SORL1: variants seen among roughly 807,000 people sequenced by gnomAD.
The protein encoded by SORL1 is sortilin-related receptor.
A neutral mutation model predicts 273.7 loss-of-function variants in SORL1; 127 were observed. The ratio of observed to expected loss-of-function variants is 0.46; its 90% CI spans 0.40 to 0.54. The LOEUF (loss-of-function observed/expected upper bound fraction) is 0.54. SORL1 is among the 20% of genes least tolerant of loss of function. The pLI, the probability that SORL1 is intolerant of heterozygous loss-of-function variation, is 0.00. For missense variants in SORL1, 2,494 were observed against 2,846.1 expected (o/e 0.88, Z 2.81); for synonymous variants, 1,031 against 1,067.4 (o/e 0.97, Z 0.66).
At chr11:121,605,262 G>A in intron 34 of SORL1, 23 bp downstream of exon 34, 1 of 1,602,864 alleles carries the variant, frequency 6.2e-7, no homozygotes, top group Non-Finnish European at 8.5e-7. Context: ...TTTGTCATGG[G>A]AGATGAAAAT....
chr11:121,491,082 G>A lies in SORL1; in HGVS notation c.758+972G>A, dbSNP rs112240480. On this transcript the variant is annotated intron_variant, in intron 5 of 47. Transcript: ENST00000260197. ...TGGAGGACAGGAATTCCAGGCAGAG[G>A]AACAAAGTGACTTGCCAAAGGCACA... 9.3e-3 allele frequency among the ~76,000 whole-genome samples: 1,412 copies of A among 152,250 alleles called. 22 individuals carry two copies. The highest frequency in any genetic ancestry group is 0.032 in the African/African-American group (1,349 of 41,526).
At chr11:121,615,389 C>T (rs1863625792) in intron 41 of SORL1, among the ~76,000 whole-genome samples, 1 of 152,050 alleles carries the variant, frequency 6.6e-6, no homozygotes, top group Non-Finnish European at 1.5e-5. Flanking sequence ...TGGTGTCCTT[C>T]CCTCCTCTTG....
At chr11:121,518,951 C>CTT (rs60120156) in intron 8 of SORL1, among the ~76,000 whole-genome samples, 4 of 138,682 alleles carry the variant, frequency 2.9e-5, no homozygotes, top group Non-Finnish European at 3.1e-5. Flanking sequence ...TTTTCTTTTT[C>CTT]TTTTTTTTTT....
rs1178103255 is a variant in SORL1 at position 121,488,045 on chromosome 11, A to T, written c.542A>T (p.Asp181Val). Residue 181 changes from aspartate to valine, a missense_variant, in exon 4 of 48, where the codon GAC becomes GTC. Coordinates refer to ENST00000260197, the MANE Select transcript of SORL1 (RefSeq NM_003105.6). Reference sequence around the variant, plus strand: ...TTTCCCTTGCAGTACATCTTTGCAGACGCTTATGCCCAGTACCTCTGGATC... The same window carrying T: ...TTTCCCTTGCAGTACATCTTTGCAGTCGCTTATGCCCAGTACCTCTGGATC... ...PADNKRYIFA[D>V]AYAQYLWITF... 2 of 1,614,092 alleles carry T rather than the reference A, an allele frequency of 1.2e-6. No individual in the cohort carries two copies. The highest frequency in any genetic ancestry group is 1.7e-6 in the Non-Finnish European group (2 of 1,180,010).
At chr11:121,512,252 T>G (rs760908895) in intron 6 of SORL1, among the ~76,000 whole-genome samples, 5 of 152,246 alleles carry the variant, frequency 3.3e-5, no homozygotes, top group Non-Finnish European at 5.9e-5. Context: ...CCAAATAAGC[T>G]TCTCCTTTTG....
intron 39 of SORL1, 82 bp downstream of exon 39, chr11:121,611,240 G>A: frequency 2.2e-6 from 2 of 918,764 alleles, no homozygotes; most frequent in Middle Eastern, 2.3e-4. Context: ...AGTAAGACTG[G>A]AAAAAAACAA....
intron 5 of SORL1, among the ~76,000 whole-genome samples, chr11:121,494,313 A>T (rs1372652731): frequency 6.6e-6 from 1 of 152,206 alleles, no homozygotes; most frequent in Admixed American, 6.5e-5. Flanking sequence ...GTTTCCCCAT[A>T]ATAAGTGAAA....
intron 33 of SORL1, 70 bp downstream of exon 33, chr11:121,604,394 C>A: frequency 1.3e-6 from 2 of 1,560,136 alleles, no homozygotes; most frequent in South Asian, 1.1e-5. Context: ...AGGGCCCCTC[C>A]TGTGTAGACC....
chr11:121,489,487 T>G (rs535261257), intron 4 of SORL1, among the ~76,000 whole-genome samples: 1 of 152,370 alleles, frequency 6.6e-6, no homozygotes, highest in South Asian at 2.1e-4. Context: ...TTTGTCACTT[T>G]GTGATGGACT....
chr11:121,621,993 A>C (rs1026102805), intron 44 of SORL1, among the ~76,000 whole-genome samples, 169 bp from the exon 45 acceptor site: 2 of 152,260 alleles, frequency 1.3e-5, no homozygotes, highest in African/African-American at 4.8e-5. Context: ...ATGCCAATAA[A>C]GAATATCTAC....
intron 1 of SORL1, among the ~76,000 whole-genome samples, chr11:121,466,211 C>T (rs1202791285): frequency 6.6e-6 from 1 of 152,172 alleles, no homozygotes; most frequent in African/African-American, 2.4e-5. Flanking sequence ...GTTGTTCACA[C>T]CCCGGGGTTG....
chr11:121,532,643 A>G (rs1240947248), intron 12 of SORL1, 91 bp downstream of exon 12: 47 of 1,037,650 alleles, frequency 4.5e-5, no homozygotes, highest in Non-Finnish European at 6.0e-5. Flanking sequence ...CTATAGCACT[A>G]TGTTGTTGAC....
intron 43 of SORL1, among the ~76,000 whole-genome samples, chr11:121,620,490 T>G (rs901321926): frequency 2.6e-5 from 4 of 152,180 alleles, no homozygotes; most frequent in Non-Finnish European, 4.4e-5. Flanking sequence ...CTCTCCTCTC[T>G]CCACTCCCCT....
intron 25 of SORL1, among the ~76,000 whole-genome samples, chr11:121,580,690 G>T (rs1460252184): frequency 7.1e-6 from 1 of 140,630 alleles, no homozygotes; most frequent in African/African-American, 2.7e-5. Flanking sequence ...CTGTAGCCTT[G>T]ACCTCCTGGG....
intron 11 of SORL1, among the ~76,000 whole-genome samples, chr11:121,525,683 TTC>T (rs1862110826): frequency 6.6e-6 from 1 of 152,268 alleles, no homozygotes; most frequent in South Asian, 2.1e-4. Context: ...TTATTAATGA[TTC>T]TTTTCATGTG....
At chr11:121,457,399 G>A (rs1420388056) in intron 1 of SORL1, among the ~76,000 whole-genome samples, 3 of 152,124 alleles carry the variant, frequency 2.0e-5, no homozygotes, top group Non-Finnish European at 4.4e-5. Flanking sequence ...GGTGGCATCC[G>A]TTGTTATCAA....
intron 6 of SORL1, among the ~76,000 whole-genome samples, chr11:121,508,498 G>A (rs540979661): frequency 3.9e-5 from 6 of 152,330 alleles, no homozygotes; most frequent in African/African-American, 1.4e-4. Flanking sequence ...CTATAAGGCT[G>A]TCTATATCAT....
chr11:121,453,309 A>C (rs762219037), intron 1 of SORL1, among the ~76,000 whole-genome samples: 2 of 152,252 alleles, frequency 1.3e-5, no homozygotes, highest in South Asian at 4.1e-4. Flanking sequence ...GGTGGGCATT[A>C]TTATTCTATA....
In SORL1 at chr11:121,583,511, A is replaced by G. The variant is rs1863044703; in HGVS notation, c.3634A>G (p.Ile1212Val). ...CTTCCAGTGCCGAAACGGGCACTGC[A>G]TCCCCCAGCGGTGGGCGTGTGACGG... ...SNFQCRNGHCIPQRWACDGDT... is the reference protein window; with the variant it reads ...SNFQCRNGHCVPQRWACDGDT... Residue 1212 changes from isoleucine (I) to valine (V), a missense_variant, in exon 26 of 48, where the codon ATC becomes GTC. By Grantham distance (29) the Ile-to-Val change is conservative (BLOSUM62 3). Around this residue, in one of 3 missense-constraint regions of SORL1, gnomAD observed 1,609 missense variants for 1,816.4 expected, o/e 0.89. Coordinates refer to ENST00000260197, the MANE Select transcript of SORL1 (RefSeq NM_003105.6). 1 of 1,612,944 alleles carries G rather than the reference A, an allele frequency of 6.2e-7. No homozygotes were observed. Among genetic ancestry groups the G allele is most frequent in the Non-Finnish European group, 8.5e-7 (1 of 1,179,474 alleles).
Sources: allele counts gnomAD v4.1 joint callset (sites outside exome capture counted in the v4.1 genomes callset), GRCh38; gene constraint gnomAD v4.1.1; regional missense constraint gnomAD v4.1.1; transcripts MANE v1.5; gene names NCBI Gene and HGNC (gene_info 2026-07-23, HGNC 2026-07-21).